The following HPSE2 variants were observed in gnomAD, a reference collection of about 807,000 sequenced individuals.
HPSE2 encodes inactive heparanase-2.
A neutral mutation model predicts 60.5 loss-of-function variants in HPSE2; 38 were observed. That is an observed-to-expected ratio of 0.63 (90% CI 0.48 to 0.82). The LOEUF is 0.82. Among genes scored for constraint, HPSE2 ranks in the 40% least tolerant of loss-of-function variants. The pLI is 0.00. For missense variants in HPSE2, 713 were observed against 740.4 expected (o/e 0.96, Z 0.43); for synonymous variants, 295 against 293.2 (o/e 1.01, Z -0.06).
intron 9 of HPSE2, among the ~76,000 whole-genome samples, chr10:98,554,776 T>C (rs569125876): frequency 6.6e-6 from 1 of 152,346 alleles, no homozygotes; most frequent in East Asian, 1.9e-4. Flanking sequence ...GAGGTTTGCG[T>C]GTTAGTCTTG....
At chr10:98,982,035 C>T (rs1259651426) in intron 3 of HPSE2, among the ~76,000 whole-genome samples, 2 of 151,896 alleles carry the variant, frequency 1.3e-5, no homozygotes, top group South Asian at 2.1e-4. Context: ...AAATAGTTCT[C>T]TATCCTTTTT....
Position 99,232,624 on chromosome 10 carries a change from GT to G in HPSE2, c.291-120del, listed in dbSNP as rs1279005768. ...CGACCTGGCCGGGGCTAGAGGCTCT[GT>G]GCCTGCCCCAGCCGGCAGTCCACGC... On this transcript the variant is annotated intron_variant, in intron 1 of 11. Coordinates refer to ENST00000370552, the MANE Select transcript of HPSE2 (RefSeq NM_021828.5). The G allele has an allele frequency of 8.8e-5, 103 of 1,168,124 alleles. No homozygotes were observed. In the African/African-American group the frequency reaches 1.5e-3, roughly 17 times the overall value. The allele number at this position is 1,168,124 out of a possible 1,614,324, so 72.4% of individuals were successfully genotyped here.
chr10:98,946,343 G>A (rs1955183043), intron 3 of HPSE2, among the ~76,000 whole-genome samples: 1 of 151,752 alleles, frequency 6.6e-6, no homozygotes. Context: ...GCACATGCTT[G>A]TAATCCTAGC....
At chr10:98,560,022 C>A (rs1159254959) in intron 9 of HPSE2, among the ~76,000 whole-genome samples, 2 of 152,052 alleles carry the variant, frequency 1.3e-5, no homozygotes, top group Non-Finnish European at 2.9e-5. Context: ...GGAGTCAGAC[C>A]ATGGAGAGTC....
chr10:98,717,638 C>G (rs1284993082), intron 5 of HPSE2, among the ~76,000 whole-genome samples: 2 of 151,976 alleles, frequency 1.3e-5, no homozygotes, highest in Non-Finnish European at 2.9e-5. Flanking sequence ...AGACAGAACA[C>G]ACATTTGTTG....
intron 6 of HPSE2, among the ~76,000 whole-genome samples, chr10:98,643,365 T>C (rs984109298): frequency 1.3e-5 from 2 of 152,172 alleles, no homozygotes; most frequent in African/African-American, 4.8e-5. Flanking sequence ...TTCCTAATTG[T>C]CACCTCACAA....
intron 1 of HPSE2, among the ~76,000 whole-genome samples, chr10:99,233,470 T>C (rs1156642779): frequency 6.6e-6 from 1 of 152,134 alleles, no homozygotes; most frequent in Non-Finnish European, 1.5e-5. Context: ...TTTCCATCAA[T>C]AGGTTTTTTA....
At chr10:98,722,812 AG>A (rs746045846) in intron 4 of HPSE2, among the ~76,000 whole-genome samples, 2 of 152,114 alleles carry the variant, frequency 1.3e-5, no homozygotes, top group South Asian at 2.1e-4. Flanking sequence ...TGATACTGGC[AG>A]GTACAAGAAA....
intron 3 of HPSE2, among the ~76,000 whole-genome samples, chr10:98,809,056 G>C (rs564708141): frequency 6.6e-6 from 1 of 151,970 alleles, no homozygotes; most frequent in Non-Finnish European, 1.5e-5. Context: ...ACCTTCCCAG[G>C]TGACTCTTTT....
intron 3 of HPSE2, among the ~76,000 whole-genome samples, chr10:98,805,419 G>C (rs1951019576): frequency 1.3e-5 from 2 of 152,202 alleles, no homozygotes; most frequent in Non-Finnish European, 2.9e-5. Flanking sequence ...TGAGGGGATA[G>C]ATACCCCATT....
chr10:99,170,222 C>T (rs187078105), intron 2 of HPSE2, among the ~76,000 whole-genome samples: 1 of 152,308 alleles, frequency 6.6e-6, no homozygotes, highest in East Asian at 1.9e-4. Context: ...ACTGCTAATG[C>T]TCTTCTCACT....
chr10:98,840,996 C>T (rs924851287), intron 3 of HPSE2, among the ~76,000 whole-genome samples: 1 of 152,154 alleles, frequency 6.6e-6, no homozygotes, highest in Non-Finnish European at 1.5e-5. Context: ...ATAGGTACAG[C>T]TGGGTTTGGT....
rs1952880672 is a variant in HPSE2, at chr10:98,876,483, A to G, written c.611-132427T>C. 2.6e-5 allele frequency among the ~76,000 whole-genome samples: 4 copies of G among 151,944 alleles called. No individual in the cohort carries two copies. In the South Asian group the frequency reaches 8.3e-4, roughly 31 times the overall value. ...CTTGGCACATGGCATGCACTCCATA[A>G]ATATTTGTTGAATGATGAATTAATG... On this transcript the variant is annotated intron_variant, in intron 3 of 11. Transcript: ENST00000370552.
chr10:99,285,476 A>G, the HPSE2 span, among the ~76,000 whole-genome samples: 120 of 97,110 alleles, frequency 1.2e-3, no homozygotes, highest in Non-Finnish European at 1.8e-3. Flanking sequence ...GGAAGGAAGG[A>G]AGGGAGGGAG....
intron 3 of HPSE2, among the ~76,000 whole-genome samples, chr10:98,858,153 G>A (rs147112998): frequency 0.012 from 1,859 of 152,272 alleles, 29 homozygotes; most frequent in Non-Finnish European, 0.018. Flanking sequence ...CTACAACAAT[G>A]CTTGTTGAAT....
chr10:99,254,233 T>TA, the HPSE2 span, among the ~76,000 whole-genome samples: 3 of 151,958 alleles, frequency 2.0e-5, no homozygotes, highest in Non-Finnish European at 2.9e-5. Context: ...AATGCAGCCA[T>TA]AAAGAAAACA....
chr10:99,160,826 G>A (rs1846803895), intron 2 of HPSE2, among the ~76,000 whole-genome samples: 1 of 148,490 alleles, frequency 6.7e-6, no homozygotes, highest in Non-Finnish European at 1.5e-5. Flanking sequence ...GTGAACCCGG[G>A]AGGCGGAGCT....
At chr10:98,990,367 C>A (rs554608291) in intron 3 of HPSE2, among the ~76,000 whole-genome samples, 25 of 152,366 alleles carry the variant, frequency 1.6e-4, no homozygotes, top group African/African-American at 6.0e-4. Flanking sequence ...AGATCCCTCA[C>A]ATGAGCAGTT....
At chr10:98,625,132 TA>T (rs1448997266) in intron 7 of HPSE2, among the ~76,000 whole-genome samples, 1 of 152,256 alleles carries the variant, frequency 6.6e-6, no homozygotes, top group Non-Finnish European at 1.5e-5. Context: ...TGCAATTCCA[TA>T]CCTGCCCTTG....
Sources: gnomAD v4.1 joint callset for allele counts (sites outside exome capture counted in the v4.1 genomes callset) on GRCh38, gnomAD v4.1.1 for gene constraint, MANE v1.5 for transcripts, NCBI Gene and HGNC (gene_info 2026-07-23, HGNC 2026-07-21) for gene names.